Variants in TTC7B observed in about 807,000 individuals in gnomAD.
TTC7B encodes the protein tetratricopeptide repeat domain 7B.
A neutral mutation model predicts 106.8 loss-of-function variants in TTC7B; 28 were observed. That is an observed-to-expected ratio of 0.26 (90% CI 0.19 to 0.36). TTC7B has a LOEUF of 0.36. TTC7B is among the 10% of genes least tolerant of loss of function. The pLI, the probability that TTC7B is intolerant of heterozygous loss-of-function variation, is 1.00. For synonymous variants in TTC7B, 405 were observed against 430.6 expected, an observed-to-expected ratio of 0.94 and a Z score of 0.74; for missense variants, 862 against 1,076.4, an observed-to-expected ratio of 0.80 and a Z score of 2.79.
At position 90,538,211 on chromosome 14, in the gene TTC7B, C is replaced by T. The variant is rs1041769549; in HGVS notation, c.*3157G>A. 1.3e-5 allele frequency: 2 copies of T among 152,094 alleles called. No individual in the cohort carries two copies. The highest frequency in any genetic ancestry group is 2.4e-5 in the African/African-American group (1 of 41,410). The allele number at this position is 152,094 out of a possible 1,614,324, so 9.4% of individuals were successfully genotyped here. On this transcript the variant is annotated 3_prime_UTR_variant, in exon 20 of 20. Transcript: ENST00000328459. The stretch of plus-strand genomic sequence containing the variant: ...GGTGTCCTGCCGTCTTAGTGTCTAG[C>T]GTCTGCGTCCTCATCTATTAATGGA...
At chr14:90,711,611 G>A (rs1411984552) in intron 5 of TTC7B, among the ~76,000 whole-genome samples, 1 of 152,124 alleles carries the variant, frequency 6.6e-6, no homozygotes, top group Non-Finnish European at 1.5e-5. Context: ...TAGTGAAGAC[G>A]GGGTTTTGCC....
chr14:90,656,104 G>A (rs1372291984), intron 11 of TTC7B, among the ~76,000 whole-genome samples: 1 of 152,160 alleles, frequency 6.6e-6, no homozygotes, highest in African/African-American at 2.4e-5. Context: ...ACAGCTGTGT[G>A]TTTCAGGTGA....
intron 16 of TTC7B, among the ~76,000 whole-genome samples, chr14:90,615,816 C>G (rs1893047492): frequency 6.6e-6 from 1 of 152,168 alleles, no homozygotes; most frequent in Non-Finnish European, 1.5e-5. Context: ...AAGGGCTGCT[C>G]AATTCACCAC....
intron 9 of TTC7B, among the ~76,000 whole-genome samples, chr14:90,674,900 C>T (rs1886766420): frequency 1.3e-5 from 2 of 152,208 alleles, no homozygotes; most frequent in African/African-American, 4.8e-5. Context: ...CCCGCAACTA[C>T]ACTACCCAGT....
intron 3 of TTC7B, among the ~76,000 whole-genome samples, chr14:90,760,977 C>T (rs1890480455): frequency 1.3e-5 from 2 of 152,178 alleles, no homozygotes; most frequent in African/African-American, 2.4e-5. Flanking sequence ...AAAATGGGCT[C>T]CTTCTCCTGA....
chr14:90,641,930 T>C (rs1595235561), intron 15 of TTC7B, among the ~76,000 whole-genome samples: 3 of 132,210 alleles, frequency 2.3e-5, no homozygotes, highest in Non-Finnish European at 4.7e-5. Context: ...CTTGTGTGTG[T>C]GTGCGTGTGT....
rs1389707323 is a variant in TTC7B at position 90,624,155 on chromosome 14, G to T, written c.1752-6110C>A. On this transcript the variant is annotated intron_variant, in intron 15 of 19. Transcript: ENST00000328459. This position sits in a 1 kb window ranked among gnomAD's most constrained non-coding sequence, Gnocchi z 4.0. Reference sequence around the variant, plus strand: ...TTTGTGACTTGTCTTTCATCTAAAAGTCTGGTGCACATAAAATCTGGTTTT... The same window carrying T: ...TTTGTGACTTGTCTTTCATCTAAAATTCTGGTGCACATAAAATCTGGTTTT... Among the ~76,000 whole-genome samples, 1 of 152,232 alleles carries T rather than the reference G, an allele frequency of 6.6e-6. No individual in the cohort carries two copies. Among genetic ancestry groups the T allele is most frequent in the African/African-American group, 2.4e-5 (1 of 41,464 alleles).
intron 15 of TTC7B, 67 bp from the exon 16 acceptor site, chr14:90,618,112 C>G: frequency 8.4e-7 from 1 of 1,197,164 alleles, no homozygotes; most frequent in South Asian, 1.2e-5. Context: ...CCCAGCAAGA[C>G]AAGTGGTGGG....
In TTC7B at chr14:90,531,048, T is replaced by G. The variant is rs1889271234; in HGVS notation, c.*10320A>C. 6.6e-6 allele frequency: 1 copy of G among 152,172 alleles called. No homozygotes were observed. The highest frequency in any genetic ancestry group is 2.1e-4 in the South Asian group (1 of 4,830). The allele number at this position is 152,172 out of a possible 1,614,324, so 9.4% of individuals were successfully genotyped here. A position where few individuals can be genotyped will look rare whatever the true frequency, so the allele number is the denominator to read the frequency against. On this transcript the variant is annotated 3_prime_UTR_variant, in exon 20 of 20. Coordinates refer to ENST00000328459, the MANE Select transcript of TTC7B (RefSeq NM_001010854.2). ...GATACAGGATATAAAATGATATAAT[T>G]TTAATATTAATAGCTGAAAATGTAA...
In TTC7B at chr14:90,541,510, G is replaced by C; in HGVS notation, c.2390C>G (p.Ala797Gly). The C allele has an allele frequency of 6.2e-7, 1 of 1,614,058 alleles. No individual in the cohort carries two copies. Among genetic ancestry groups the C allele is most frequent in the East Asian group, 2.2e-5 (1 of 44,884 alleles). Residue 797 changes from alanine to glycine, a missense_variant, in exon 20 of 20, where the codon GCC becomes GGC. Transcript: ENST00000328459. ...LRDAVQVNSTAHEVWNGLGEV... is the reference protein window; with the variant it reads ...LRDAVQVNSTGHEVWNGLGEV... ...GCCCAGCCCGTTCCAGACCTCGTGG[G>C]CTGTCGAGTTCACCTGCACCGCGTC...
rs1220341542 is a variant in TTC7B, at chr14:90,742,325, T to C, written c.576+2467A>G. 6.6e-6 allele frequency among the ~76,000 whole-genome samples: 1 copy of C among 151,086 alleles called. No homozygotes were observed. ...CCTCCCTCCTTTCTCTTTCTCTTTC[T>C]CTCTCTCTCTCTTTCTCTCTTCCTT... On this transcript the variant is annotated intron_variant, in intron 4 of 19. Coordinates refer to ENST00000328459, the MANE Select transcript of TTC7B (RefSeq NM_001010854.2). This position sits in a 1 kb window ranked among gnomAD's most constrained non-coding sequence, Gnocchi z 4.1.
chr14:90,662,917 A>AAAT (rs1456307908), intron 9 of TTC7B, among the ~76,000 whole-genome samples: 1 of 152,236 alleles, frequency 6.6e-6, no homozygotes, highest in African/African-American at 2.4e-5. Context: ...TATCAGAAAT[A>AAAT]AATATCTTTA....
intron 15 of TTC7B, among the ~76,000 whole-genome samples, chr14:90,619,941 G>A (rs754374460): frequency 2.0e-5 from 3 of 152,196 alleles, no homozygotes; most frequent in Admixed American, 6.5e-5. Context: ...CACCCTGCAT[G>A]ATGTGATGTC....
At chr14:90,679,345 C>A (rs117759611) in intron 8 of TTC7B, among the ~76,000 whole-genome samples, 4 of 152,308 alleles carry the variant, frequency 2.6e-5, no homozygotes, top group Middle Eastern at 3.4e-3. Context: ...TCCTTCTCTC[C>A]GCGCATGTAC....
At chr14:90,563,647 T>C (rs934856591) in intron 19 of TTC7B, among the ~76,000 whole-genome samples, 1 of 152,134 alleles carries the variant, frequency 6.6e-6, no homozygotes, top group East Asian at 1.9e-4. Context: ...ACAAAAGAGC[T>C]CTCTGTAGCA....
In TTC7B at chr14:90,537,303, C is replaced by A. The variant is rs1472411944; in HGVS notation, c.*4065G>T. The A allele has an allele frequency of 6.6e-6, 1 of 152,080 alleles. No homozygotes were observed. The highest frequency in any genetic ancestry group is 1.5e-5 in the Non-Finnish European group (1 of 68,094). 9.4% of individuals were successfully genotyped at this position (152,080 alleles called of 1,614,324 possible). On this transcript the variant is annotated 3_prime_UTR_variant, in exon 20 of 20. Coordinates refer to ENST00000328459, the MANE Select transcript of TTC7B (RefSeq NM_001010854.2). The stretch of plus-strand genomic sequence containing the variant: ...CTGGGCTCAAGCAATCAGCCCATCT[C>A]AGCCTCCCAAGCAGCTGGGACTACA...
At position 90,807,595 on chromosome 14, in the gene TTC7B, G is replaced by A. The variant is rs1024296376; in HGVS notation, c.121+8580C>T. Among the ~76,000 whole-genome samples the A allele has an allele frequency of 6.6e-6, 1 of 152,090 alleles. No individual in the cohort carries two copies. Among genetic ancestry groups the A allele is most frequent in the Non-Finnish European group, 1.5e-5 (1 of 68,022 alleles). The stretch of plus-strand genomic sequence containing the variant: ...ACCTGCTCACTCTATTTCTTCTGAT[G>A]CCCCTCTGATACCTGGTGCTGTGCC... On this transcript the variant is annotated intron_variant, in intron 1 of 19. Coordinates refer to ENST00000328459, the MANE Select transcript of TTC7B (RefSeq NM_001010854.2). The surrounding 1 kb of genome is among the most constrained non-coding windows in gnomAD (Gnocchi z 4.1).
chr14:90,611,743 C>A (rs1892884847), intron 16 of TTC7B, among the ~76,000 whole-genome samples: 1 of 152,170 alleles, frequency 6.6e-6, no homozygotes, highest in Admixed American at 6.5e-5. Context: ...CCACAGCGGG[C>A]CTAACAGGGA....
chr14:90,571,962 T>C (rs1891052698), intron 19 of TTC7B, among the ~76,000 whole-genome samples: 1 of 152,194 alleles, frequency 6.6e-6, no homozygotes, highest in South Asian at 2.1e-4. Flanking sequence ...ATCATCTTCA[T>C]GCTGAATCTC....
Sources: gnomAD v4.1 joint callset for allele counts (sites outside exome capture counted in the v4.1 genomes callset) on GRCh38, gnomAD v4.1.1 for gene constraint, Gnocchi (gnomAD v3.1) non-coding constraint, MANE v1.5 for transcripts, NCBI Gene and HGNC (gene_info 2026-07-23, HGNC 2026-07-21) for gene names.